Variants in SPIRE1 observed in about 807,000 individuals in gnomAD.
The protein encoded by SPIRE1 is protein spire homolog 1.
In SPIRE1, 40 loss-of-function variants were observed where a neutral mutation model predicts 94.1. The ratio of observed to expected loss-of-function variants is 0.43; its 90% CI spans 0.33 to 0.55. The LOEUF (loss-of-function observed/expected upper bound fraction) is 0.55. Among genes scored for constraint, SPIRE1 ranks in the 20% least tolerant of loss-of-function variants. The pLI is 0.06. For missense variants in SPIRE1, 838 were observed against 975.2 expected (o/e 0.86, Z 1.87); for synonymous variants, 376 against 371.7 (o/e 1.01, Z -0.13).
chr18:12,658,488 G>C (rs1184821101), upstream of SPIRE1: 1 of 451,970 alleles, frequency 2.2e-6, no homozygotes, highest in South Asian at 1.6e-5. Context: ...GGAAGTCCCC[G>C]GCCGACTCTG....
chr18:12,468,002 C>T lies in SPIRE1; in HGVS notation c.1405-3044G>A, dbSNP rs9950999. Among the ~76,000 whole-genome samples the T allele has an allele frequency of 2.5e-3, 376 of 151,774 alleles. 4 individuals are homozygous for T. The highest frequency in any genetic ancestry group is 8.8e-3 in the African/African-American group (363 of 41,230). ...TAAAGTCTAATTTTACACGTTGTTA[C>T]CTTTGTTAGTGTTAAGGGAGAATTA... On this transcript the variant is annotated intron_variant, in intron 10 of 16. Transcript: ENST00000409402.
intron 5 of SPIRE1, among the ~76,000 whole-genome samples, chr18:12,507,654 G>A (rs983989184): frequency 1.3e-5 from 2 of 151,604 alleles, no homozygotes; most frequent in Admixed American, 6.6e-5. Context: ...AGCCCAGATC[G>A]CACCACTGTA....
At chr18:12,574,893 T>C (rs574413402) in intron 2 of SPIRE1, among the ~76,000 whole-genome samples, 90 of 152,320 alleles carry the variant, frequency 5.9e-4, no homozygotes, top group African/African-American at 1.9e-3. Flanking sequence ...GGCATCGTCA[T>C]ATGTACTGAA....
chr18:12,658,279 G>C, upstream of SPIRE1: 1 of 452,486 alleles, frequency 2.2e-6, no homozygotes, highest in Middle Eastern at 5.1e-4. Flanking sequence ...GGCTCTCAGA[G>C]TCGCAGGCGG....
chr18:12,654,745 A>G (rs2038487096), intron 1 of SPIRE1, among the ~76,000 whole-genome samples: 1 of 148,382 alleles, frequency 6.7e-6, no homozygotes, highest in East Asian at 2.1e-4. Context: ...AACTGAAACG[A>G]GAAGTCAGGC....
chr18:12,450,676 T>C (rs2031189175), intron 16 of SPIRE1: 3 of 632,802 alleles, frequency 4.7e-6, no homozygotes, highest in Non-Finnish European at 8.5e-6. Flanking sequence ...AAATGAAGGA[T>C]TATGGACCAG....
intron 12 of SPIRE1, among the ~76,000 whole-genome samples, chr18:12,460,334 G>A (rs2031731633): frequency 6.6e-6 from 1 of 152,180 alleles, no homozygotes; most frequent in Non-Finnish European, 1.5e-5. Context: ...GACTGGATGG[G>A]CATTTGCCCT....
intron 4 of SPIRE1, among the ~76,000 whole-genome samples, chr18:12,513,281 T>C (rs2034094494): frequency 6.6e-6 from 1 of 152,136 alleles, no homozygotes; most frequent in Non-Finnish European, 1.5e-5. Context: ...TAAAATATAT[T>C]CACATATTAA....
At chr18:12,510,629 A>G (rs1248737793) in intron 5 of SPIRE1, among the ~76,000 whole-genome samples, 1 of 148,848 alleles carries the variant, frequency 6.7e-6, no homozygotes, top group African/African-American at 2.5e-5. Context: ...CCCAACCTCC[A>G]CCTCCCAGGT....
intron 2 of SPIRE1, among the ~76,000 whole-genome samples, chr18:12,554,371 A>G (rs1166077679): frequency 6.6e-6 from 1 of 152,114 alleles, no homozygotes; most frequent in Non-Finnish European, 1.5e-5. Context: ...GAACAACTAC[A>G]TCCCAATAAA....
intron 10 of SPIRE1, among the ~76,000 whole-genome samples, chr18:12,472,678 C>A (rs528304143): frequency 1.4e-5 from 2 of 145,004 alleles, no homozygotes; most frequent in African/African-American, 5.0e-5. Flanking sequence ...CTTTTTTTTG[C>A]GGGGGGGGAC....
intron 2 of SPIRE1, among the ~76,000 whole-genome samples, chr18:12,607,376 T>C (rs545411136): frequency 5.9e-5 from 9 of 152,286 alleles, no homozygotes; most frequent in Middle Eastern, 3.4e-3. Flanking sequence ...CTCAATGTTA[T>C]GGGAATCAAC....
chr18:12,575,629 A>T (rs1413070083), intron 2 of SPIRE1, among the ~76,000 whole-genome samples: 1 of 152,214 alleles, frequency 6.6e-6, no homozygotes, highest in Admixed American at 6.5e-5. Flanking sequence ...CCTTTCCCTA[A>T]AATTTAGATA....
At chr18:12,487,397 T>C (rs556542508) in intron 8 of SPIRE1, among the ~76,000 whole-genome samples, 1 of 134,526 alleles carries the variant, frequency 7.4e-6, no homozygotes, top group African/African-American at 2.5e-5. Flanking sequence ...TCATTTATTT[T>C]CTTTCTTTTT....
At chr18:12,583,755 C>T (rs11664914) in intron 2 of SPIRE1, among the ~76,000 whole-genome samples, 84,504 of 151,660 alleles carry the variant, frequency 0.56, 24,666 homozygotes, top group Middle Eastern at 0.76. Context: ...CAAAATCCCA[C>T]CTCTACAAAA....
chr18:12,576,059 TG>T (rs1258967602), intron 2 of SPIRE1, among the ~76,000 whole-genome samples: 20 of 151,960 alleles, frequency 1.3e-4, no homozygotes, highest in Non-Finnish European at 2.9e-5. Context: ...CAAAATTAGC[TG>T]GGCATGGTGG....
chr18:12,637,050 G>C (rs1301358594), intron 1 of SPIRE1, among the ~76,000 whole-genome samples: 1 of 152,182 alleles, frequency 6.6e-6, no homozygotes, highest in East Asian at 1.9e-4. Context: ...CTGTAACAGA[G>C]AGTAGCCTCT....
At chr18:12,654,610 G>A (rs1377655165) in intron 1 of SPIRE1, among the ~76,000 whole-genome samples, 6 of 151,660 alleles carry the variant, frequency 4.0e-5, no homozygotes, top group Admixed American at 1.3e-4. Context: ...AGCTGAGATC[G>A]CGCCACCACA....
chr18:12,482,577 T>A (rs1382728779), intron 9 of SPIRE1, among the ~76,000 whole-genome samples: 1 of 152,222 alleles, frequency 6.6e-6, no homozygotes, highest in South Asian at 2.1e-4. Context: ...AGATTAAAAA[T>A]TTTTAATAGT....
Sources: allele counts gnomAD v4.1 joint callset (sites outside exome capture counted in the v4.1 genomes callset), GRCh38; gene constraint gnomAD v4.1.1; transcripts MANE v1.5; gene names NCBI Gene and HGNC (gene_info 2026-07-23, HGNC 2026-07-21).